FRMD7: variants seen among roughly 807,000 people sequenced by gnomAD.
FRMD7 encodes the protein FERM domain-containing protein 7.
In FRMD7, 14 loss-of-function variants were observed where a neutral mutation model predicts 44.1. That is an observed-to-expected ratio of 0.32 (90% CI 0.21 to 0.50). FRMD7 has a LOEUF of 0.50. Among genes scored for constraint, FRMD7 ranks in the 20% least tolerant of loss-of-function variants. The pLI, the probability that FRMD7 is intolerant of heterozygous loss-of-function variation, is 0.99. For synonymous variants in FRMD7, 212 were observed against 187.4 expected (o/e 1.13, Z -1.07); for missense variants, 501 against 522.3 (o/e 0.96, Z 0.40).
At chrX:132,097,746 C>T (rs755753179) in intron 3 of FRMD7, among the ~76,000 whole-genome samples, 2 of 112,183 alleles carry the variant, frequency 1.8e-5, no homozygotes, top group Admixed American at 9.5e-5. Flanking sequence ...TGTACATTAC[C>T]AAGCCTAAGT....
At position 132,085,599 on chromosome X, in the gene FRMD7, C is replaced by T. The variant is rs1189240900; in HGVS notation, c.627G>A (p.Met209Ile). 2.5e-6 allele frequency: 3 copies of T among 1,209,592 alleles called. No individual in the cohort carries two copies. The highest frequency in any genetic ancestry group is 3.4e-6 in the Non-Finnish European group (3 of 894,866). Residue 209 changes from methionine (M) to isoleucine (I), a missense_variant, in exon 7 of 12, where the codon ATG (methionine) becomes ATA (isoleucine). Transcript: ENST00000298542. ...ATTTTACCCGTAACACCAGTACTCC[C>T]ATGTGAGCAACAGCCAGGTGAATCT... ...GMQIHLAVAH[M>I]GVLVLRGNTK... is the part of the protein sequence containing the mutation.
intron 5 of FRMD7, among the ~76,000 whole-genome samples, chrX:132,092,156 G>A (rs1401137530): frequency 9.0e-6 from 1 of 111,699 alleles, no homozygotes; most frequent in Non-Finnish European, 1.9e-5. Flanking sequence ...TTGAATTAAC[G>A]ACCAAGAAGA....
chrX:132,084,025 A>G (rs1223512049), intron 8 of FRMD7, among the ~76,000 whole-genome samples: 2 of 111,861 alleles, frequency 1.8e-5, no homozygotes, highest in Non-Finnish European at 3.8e-5. Context: ...ACCTTGCCCA[A>G]AAACTGTTTA....
Position 132,127,848 on chromosome X carries a change from C to T in FRMD7, c.-4G>A. The T allele has an allele frequency of 8.3e-7, 1 of 1,205,557 alleles. No individual in the cohort carries two copies. Among genetic ancestry groups the T allele is most frequent in the Non-Finnish European group, 1.1e-6 (1 of 889,868 alleles). ...ACTGCACTTTTAAATGTAGCATTCT[C>T]AGCGAGGCCGTTGGGCTGCAAGCAG... On this transcript the variant is annotated 5_prime_UTR_variant, in exon 1 of 12. It removes the in-frame stop codon of an upstream open reading frame in the 5' UTR. Transcript: ENST00000298542.
intron 1 of FRMD7, among the ~76,000 whole-genome samples, chrX:132,113,874 T>C (rs1207038660): frequency 9.0e-6 from 1 of 110,996 alleles, no homozygotes. Context: ...ATAGCAGGTT[T>C]TATTCATTCT....
chrX:132,078,618 C>T lies in FRMD7; in HGVS notation c.1399G>A (p.Val467Met). ...TAAGTTAGCTGCTTTGCTGGACGCA[C>T]TTTGCTTGTGAGGCCAGAATATATG... Reference protein sequence around the residue: ...MSIYSGLTSKVRPAKQLTYTD... With the variant: ...MSIYSGLTSKMRPAKQLTYTD... Residue 467 changes from valine (V) to methionine (M), a missense_variant, in exon 12 of 12, where the codon GTG (valine) becomes ATG (methionine). This residue lies in a region of FRMD7 where 453 missense variants were observed against 452.7 expected (regional missense o/e 1.00). Transcript: ENST00000298542. The T allele has an allele frequency of 8.3e-7, 1 of 1,211,475 alleles. No individual in the cohort carries two copies. The highest frequency in any genetic ancestry group is 1.1e-6 in the Non-Finnish European group (1 of 895,193).
At position 132,077,565 on chromosome X, in the gene FRMD7, G is replaced by A; in HGVS notation, c.*307C>T. On this transcript the variant is annotated 3_prime_UTR_variant, in exon 12 of 12. Coordinates refer to ENST00000298542, the MANE Select transcript of FRMD7 (RefSeq NM_194277.3). ...ACTGTCACCATTCTTCAGCATTGAA[G>A]AGCCTGACCTTCACTCACAATGTCT... 3.4e-6 allele frequency: 1 copy of A among 293,163 alleles called. No individual in the cohort carries two copies. Among genetic ancestry groups the A allele is most frequent in the Non-Finnish European group, 6.0e-6 (1 of 165,535 alleles). The allele number at this position is 293,163 out of a possible 1,213,427, so 24.2% of individuals were successfully genotyped here.
intron 1 of FRMD7, among the ~76,000 whole-genome samples, chrX:132,110,446 G>A (rs1050186483): frequency 1.8e-5 from 2 of 111,544 alleles, no homozygotes; most frequent in Admixed American, 1.9e-4. Context: ...GAGATTCCTG[G>A]TATTCTCTTT....
At chrX:132,081,343 A>G (rs1328514883) in intron 9 of FRMD7, among the ~76,000 whole-genome samples, 29 of 103,995 alleles carry the variant, frequency 2.8e-4, no homozygotes, top group Non-Finnish European at 3.9e-5. Context: ...AAACAAAACA[A>G]AACAAAACAA....
chrX:132,119,188 G>T (rs746698800), intron 1 of FRMD7, among the ~76,000 whole-genome samples: 1 of 112,273 alleles, frequency 8.9e-6, no homozygotes, highest in East Asian at 2.8e-4. Context: ...GTGAGGACTT[G>T]TTAAGTGAGT....
intron 1 of FRMD7, among the ~76,000 whole-genome samples, chrX:132,114,339 C>T (rs967729822): frequency 9.0e-6 from 1 of 111,451 alleles, no homozygotes; most frequent in Non-Finnish European, 1.9e-5. Flanking sequence ...AACAGAAAAC[C>T]TTTTTAAATA....
intron 1 of FRMD7, among the ~76,000 whole-genome samples, chrX:132,121,753 G>A (rs1368556042): frequency 9.0e-6 from 1 of 111,553 alleles, no homozygotes; most frequent in Non-Finnish European, 1.9e-5. Context: ...TAATATTATT[G>A]TTATTATTAT....
chrX:132,093,140 A>C (rs1928229574), intron 5 of FRMD7, among the ~76,000 whole-genome samples: 1 of 111,422 alleles, frequency 9.0e-6, no homozygotes, highest in African/African-American at 3.3e-5. Flanking sequence ...CCCTGCCAGG[A>C]GTCACTTGGT....
At chrX:132,096,917 A>C (rs981979252) in intron 4 of FRMD7, among the ~76,000 whole-genome samples, 1 of 111,247 alleles carries the variant, frequency 9.0e-6, no homozygotes, top group Non-Finnish European at 1.9e-5. Flanking sequence ...ATTTCCATGG[A>C]AATCGGCTGG....
chrX:132,118,380 A>C (rs1928954802), intron 1 of FRMD7, among the ~76,000 whole-genome samples: 2 of 110,367 alleles, frequency 1.8e-5, no homozygotes, highest in South Asian at 7.9e-4. Context: ...GACGCATTGA[A>C]GAGTGAGTAG....
chrX:132,083,468 AC>A (rs1302232371), intron 8 of FRMD7, among the ~76,000 whole-genome samples: 3 of 110,357 alleles, frequency 2.7e-5, no homozygotes, highest in African/African-American at 9.9e-5. Context: ...CACTGACCCC[AC>A]TTCTCTCATT....
rs771620923 is a variant in FRMD7 at position 132,078,934 on chromosome X, G to A, written c.1083C>T (p.Gly361=). Residue 361 remains glycine, a synonymous_variant, in exon 12 of 12, where the codon GGC becomes GGT. Transcript: ENST00000298542. ...VEDLRLAYGG[G]YYQNVNGVHA... is the part of the protein sequence containing the mutation. ...GCACTCCATTCACATTTTGGTAGTA[G>A]CCACCACCATATGCTAGTCTCAAAT... 3 of 1,209,048 alleles carry A rather than the reference G, an allele frequency of 2.5e-6. No homozygotes were observed. The Admixed American group carries it at 6.5e-5, about 26-fold the overall frequency.
At chrX:132,097,413 ACACACACACACACACC>A (rs1208226750) in intron 3 of FRMD7, 69 bp from the exon 4 acceptor site, 26 of 608,286 alleles carry the variant, frequency 4.3e-5, no homozygotes, top group Admixed American at 9.0e-5. Context: ...ACACACACAC[ACACACACACACACACC>A]CACACACACA....
intron 1 of FRMD7, among the ~76,000 whole-genome samples, chrX:132,108,324 A>G (rs749875708): frequency 4.1e-4 from 46 of 111,730 alleles, no homozygotes; most frequent in African/African-American, 1.5e-3. Context: ...GATGGTTGGG[A>G]TAGTTGCACA....
Sources: gnomAD v4.1 joint callset for allele counts (sites outside exome capture counted in the v4.1 genomes callset) on GRCh38, gnomAD v4.1.1 for gene constraint, gnomAD v4.1.1 regional missense constraint, MANE v1.5 for transcripts, NCBI Gene and HGNC (gene_info 2026-07-23, HGNC 2026-07-21) for gene names.